The following GRIP1 variants were observed in gnomAD, a reference collection of about 807,000 sequenced individuals.
GRIP1 encodes glutamate receptor-interacting protein 1.
Under a neutral mutation model 129.9 loss-of-function variants are expected in GRIP1, and 45 were observed. The ratio of observed to expected loss-of-function variants is 0.35; its 90% CI spans 0.27 to 0.44. The LOEUF (loss-of-function observed/expected upper bound fraction) is 0.44, where lower values mean the gene tolerates loss of function less well. GRIP1 is among the 20% of genes least tolerant of loss of function. The pLI is 1.00. For synonymous variants in GRIP1, 530 were observed against 520.8 expected, an observed-to-expected ratio of 1.02 and a Z score of -0.24; for missense variants, 1,196 against 1,396.8, an observed-to-expected ratio of 0.86 and a Z score of 2.29.
intron 1 of GRIP1, among the ~76,000 whole-genome samples, chr12:66,754,397 G>C (rs1009828488): frequency 1.3e-5 from 2 of 152,108 alleles, no homozygotes; most frequent in African/African-American, 4.8e-5. Flanking sequence ...AACACACACC[G>C]CAGCGTTTCT....
chr12:66,870,838 C>T (rs574324452), intron 1 of GRIP1, among the ~76,000 whole-genome samples: 2 of 152,214 alleles, frequency 1.3e-5, no homozygotes, highest in South Asian at 4.1e-4. Flanking sequence ...CATTTCAAAG[C>T]CTACATGCCA....
At chr12:66,738,647 G>C (rs947325166) in intron 1 of GRIP1, among the ~76,000 whole-genome samples, 7 of 152,196 alleles carry the variant, frequency 4.6e-5, no homozygotes, top group African/African-American at 1.7e-4. Context: ...AGATGGGTCA[G>C]AAGGAGCAAA....
intron 1 of GRIP1, among the ~76,000 whole-genome samples, chr12:66,645,091 T>C (rs1201737754): frequency 6.6e-6 from 1 of 152,218 alleles, no homozygotes; most frequent in Non-Finnish European, 1.5e-5. Flanking sequence ...TTTAGTTTTA[T>C]CATGGTATCT....
At chr12:66,955,354 CA>C (rs2041822985) in intron 1 of GRIP1, among the ~76,000 whole-genome samples, 1 of 152,074 alleles carries the variant, frequency 6.6e-6, no homozygotes, top group Non-Finnish European at 1.5e-5. Flanking sequence ...ATAATCTCTG[CA>C]AGACCTTTCT....
chr12:66,907,682 A>G (rs1041045322), intron 1 of GRIP1, among the ~76,000 whole-genome samples: 1 of 152,200 alleles, frequency 6.6e-6, no homozygotes, highest in Non-Finnish European at 1.5e-5. Flanking sequence ...TGCTGTACCA[A>G]TGAGATGACG....
chr12:67,005,961 C>T (rs1875830), intron 1 of GRIP1, among the ~76,000 whole-genome samples: 2,932 of 152,222 alleles, frequency 0.019, 101 homozygotes, highest in African/African-American at 0.067. Context: ...TCTAATCTGC[C>T]CGTTAAACCT....
intron 1 of GRIP1, among the ~76,000 whole-genome samples, chr12:66,945,667 G>A (rs540663654): frequency 6.6e-6 from 1 of 152,212 alleles, no homozygotes; most frequent in East Asian, 1.9e-4. Flanking sequence ...CTGCCCCCAT[G>A]ACCCACACAC....
intron 1 of GRIP1, among the ~76,000 whole-genome samples, chr12:67,050,981 T>C (rs1177810598): frequency 6.6e-6 from 1 of 152,050 alleles, no homozygotes; most frequent in Non-Finnish European, 1.5e-5. Context: ...AAAATCAGTA[T>C]CCTGAGACTT....
At chr12:66,490,812 A>G (rs2060085532) in intron 7 of GRIP1, among the ~76,000 whole-genome samples, 1 of 152,222 alleles carries the variant, frequency 6.6e-6, no homozygotes, top group Admixed American at 6.5e-5. Context: ...ACATGAACAG[A>G]CATTTCTAAA....
chr12:66,439,794 C>G (rs868724578), intron 13 of GRIP1, among the ~76,000 whole-genome samples: 1 of 152,160 alleles, frequency 6.6e-6, no homozygotes, highest in Non-Finnish European at 1.5e-5. Flanking sequence ...TTTTGAACCT[C>G]CCTGACTAGT....
At chr12:66,611,615 A>G (rs2064795480) in intron 1 of GRIP1, among the ~76,000 whole-genome samples, 1 of 152,202 alleles carries the variant, frequency 6.6e-6, no homozygotes, top group Non-Finnish European at 1.5e-5. Context: ...ACTAGTGTCT[A>G]TAAAAATTAA....
intron 4 of GRIP1, among the ~76,000 whole-genome samples, chr12:66,532,305 T>C (rs1000217306): frequency 5.3e-5 from 8 of 152,202 alleles, no homozygotes; most frequent in Admixed American, 4.6e-4. Flanking sequence ...TACATATGTA[T>C]GTATACACAA....
At chr12:66,846,251 G>A (rs968092185) in intron 1 of GRIP1, among the ~76,000 whole-genome samples, 1 of 152,086 alleles carries the variant, frequency 6.6e-6, no homozygotes, top group African/African-American at 2.4e-5. Flanking sequence ...TTGTCTCCTT[G>A]ACATTTTCCC....
intron 1 of GRIP1, among the ~76,000 whole-genome samples, chr12:66,675,711 A>G (rs1472004852): frequency 6.6e-6 from 1 of 152,176 alleles, no homozygotes; most frequent in African/African-American, 2.4e-5. Context: ...AGGTTGGGTA[A>G]TTGGTAGACT....
At chr12:66,959,075 G>T (rs868245826) in intron 1 of GRIP1, among the ~76,000 whole-genome samples, 1 of 152,094 alleles carries the variant, frequency 6.6e-6, no homozygotes, top group Non-Finnish European at 1.5e-5. Context: ...AAAAATGTTA[G>T]TCTATATTCT....
chr12:66,386,151 A>C (rs1196957333), intron 19 of GRIP1, among the ~76,000 whole-genome samples: 8 of 152,214 alleles, frequency 5.3e-5, no homozygotes, highest in Admixed American at 5.2e-4. Context: ...AGTAGATGGA[A>C]TCTTGATAGG....
At chr12:66,554,412 T>C (rs1009608064) in intron 2 of GRIP1, among the ~76,000 whole-genome samples, 7 of 152,156 alleles carry the variant, frequency 4.6e-5, no homozygotes, top group East Asian at 1.9e-4. Context: ...GTACATGCCA[T>C]GGGCCTTGGG....
intron 1 of GRIP1, among the ~76,000 whole-genome samples, chr12:66,818,353 A>G (rs1327632521): frequency 6.6e-6 from 1 of 152,154 alleles, no homozygotes; most frequent in African/African-American, 2.4e-5. Context: ...CAAAGTTCCA[A>G]TTTTCACTTA....
At chr12:66,429,584 C>T (rs369068423) in intron 14 of GRIP1, among the ~76,000 whole-genome samples, 233 of 152,196 alleles carry the variant, frequency 1.5e-3, no homozygotes, top group African/African-American at 5.3e-3. Context: ...TAGTCCCAGA[C>T]ACTTGGGAGG....
Sources: gnomAD v4.1 joint callset for allele counts (sites outside exome capture counted in the v4.1 genomes callset) on GRCh38, gnomAD v4.1.1 for gene constraint, MANE v1.5 for transcripts, NCBI Gene and HGNC (gene_info 2026-07-23, HGNC 2026-07-21) for gene names.